Variants in ATP13A4 observed in about 807,000 individuals in gnomAD.
ATP13A4 encodes probable cation-transporting ATPase 13A4.
In ATP13A4, 114 loss-of-function variants were observed where a neutral mutation model predicts 142.5. The observed-to-expected ratio is 0.80, with a 90% CI of 0.69 to 0.93. ATP13A4 has a LOEUF of 0.93. Ranked by LOEUF, ATP13A4 falls within the 40% of genes least tolerant of loss-of-function variation. ATP13A4 has a pLI of 0.00. For synonymous variants in ATP13A4, 488 were observed against 514.8 expected, an observed-to-expected ratio of 0.95 and a Z score of 0.70; for missense variants, 1,392 against 1,454.0, an observed-to-expected ratio of 0.96 and a Z score of 0.69.
intron 27 of ATP13A4, among the ~76,000 whole-genome samples, 172 bp downstream of exon 27, chr3:193,412,006 G>T (rs1714788005): frequency 6.6e-6 from 1 of 152,182 alleles, no homozygotes; most frequent in Non-Finnish European, 1.5e-5. Context: ...TTGAAGGAAA[G>T]AGCAAAGAAC....
intron 3 of ATP13A4, among the ~76,000 whole-genome samples, chr3:193,501,075 C>T (rs1720515182): frequency 1.3e-5 from 2 of 152,192 alleles, no homozygotes; most frequent in African/African-American, 4.8e-5. Flanking sequence ...CTCTGCCCCT[C>T]CTACAATTCT....
rs1003253395 is a variant in ATP13A4, at chr3:193,411,020, G to A, written c.3259C>T (p.Leu1087=). 1.3e-5 allele frequency: 21 copies of A among 1,610,568 alleles called. No individual in the cohort carries two copies. Among genetic ancestry groups the A allele is most frequent in the Admixed American group, 3.3e-5 (2 of 59,968 alleles). ...IIQLGVCLFI[L]FADIPELYRR... ...TATAATTCTGGTATATCAGCAAATA[G>A]AATGAATAGACATACACCAAGCTGT... Residue 1087 remains leucine (L), a synonymous_variant, in exon 28 of 30, where the codon CTA becomes TTA. Coordinates refer to ENST00000342695, the MANE Select transcript of ATP13A4 (RefSeq NM_032279.4).
chr3:193,592,743 C>T (rs1251512734), intron 1 of ATP13A4, among the ~76,000 whole-genome samples: 2 of 152,200 alleles, frequency 1.3e-5, no homozygotes, highest in Admixed American at 1.3e-4. Context: ...CATGACTCTT[C>T]GTCCTGCTTC....
chr3:193,511,970 C>A (rs763298254), intron 2 of ATP13A4, among the ~76,000 whole-genome samples: 1 of 151,966 alleles, frequency 6.6e-6, no homozygotes, highest in Non-Finnish European at 1.5e-5. Context: ...TTTCCTCTTA[C>A]CTATTTTCCT....
At chr3:193,496,886 C>A (rs540334441) in intron 3 of ATP13A4, among the ~76,000 whole-genome samples, 2 of 152,024 alleles carry the variant, frequency 1.3e-5, no homozygotes, top group Non-Finnish European at 2.9e-5. Flanking sequence ...TTAAGCTAGA[C>A]CCCTGTATCT....
At chr3:193,582,544 ATAT>A (rs1724572029) in intron 1 of ATP13A4, among the ~76,000 whole-genome samples, 2 of 131,894 alleles carry the variant, frequency 1.5e-5, no homozygotes, top group South Asian at 2.2e-4. Flanking sequence ...ATTATTACAT[ATAT>A]TATATGTATT....
rs562777051 is a variant in ATP13A4, at chr3:193,477,361, T to C, written c.809-6368A>G. On this transcript the variant is annotated intron_variant, in intron 8 of 29. Coordinates refer to ENST00000342695, the MANE Select transcript of ATP13A4 (RefSeq NM_032279.4). ...AACAGATGAAAAAAGATTCATTAAG[T>C]TGATAATTATTTAATCTGTGTGATA... Among the ~76,000 whole-genome samples the C allele has an allele frequency of 2.9e-4, 44 of 152,190 alleles. 1 individual carries two copies. In the South Asian group the frequency reaches 5.4e-3, roughly 19 times the overall value.
intron 2 of ATP13A4, among the ~76,000 whole-genome samples, chr3:193,561,362 ACTGGGCCTCT>A (rs1724013151): frequency 6.6e-6 from 1 of 152,218 alleles, no homozygotes; most frequent in South Asian, 2.1e-4. Context: ...CTGGGGCTCC[ACTGGGCCTCT>A]CTGCTTGCCA....
chr3:193,463,787 CT>C (rs1718101828), intron 12 of ATP13A4, among the ~76,000 whole-genome samples: 1 of 152,156 alleles, frequency 6.6e-6, no homozygotes, highest in African/African-American at 2.4e-5. Context: ...TCTTACATTG[CT>C]AGTTTGATCA....
intron 28 of ATP13A4, 63 bp downstream of exon 28, chr3:193,410,919 C>T (rs2108602631): frequency 1.8e-6 from 2 of 1,089,672 alleles, no homozygotes. Context: ...TTGTGATCTG[C>T]TTTTTAAAGT....
rs535407176 is a variant in ATP13A4 at position 193,508,991 on chromosome 3, A to G, written c.234+5707T>C. Among the ~76,000 whole-genome samples, 29 of 51,740 alleles carry G rather than the reference A, an allele frequency of 5.6e-4. No individual in the cohort carries two copies. In the East Asian group the frequency reaches 0.021, roughly 38 times the overall value. The allele number at this position is 51,740 out of a possible 152,430, so 33.9% of individuals were successfully genotyped here. On this transcript the variant is annotated intron_variant, in intron 2 of 29. Coordinates refer to ENST00000342695, the MANE Select transcript of ATP13A4 (RefSeq NM_032279.4). ...AGCTTATAATCTAGACTGTCCAGGA[A>G]AAAAAAAAAAAGCTGAGAAGTTCCA... is the stretch of plus-strand genomic sequence containing the variant.
upstream of ATP13A4, among the ~76,000 whole-genome samples, chr3:193,555,914 G>A (rs376479628): frequency 2.0e-4 from 31 of 152,268 alleles, no homozygotes; most frequent in African/African-American, 7.5e-4. Flanking sequence ...ATCTGGTACC[G>A]CCCGACAGGA....
At chr3:193,531,297 A>AGGGAGGAAGGAAGGAAGGGAGGGAC (rs1351666676) in intron 1 of ATP13A4, among the ~76,000 whole-genome samples, 1 of 20,394 alleles carries the variant, frequency 4.9e-5, no homozygotes, top group Non-Finnish European at 8.4e-5. Flanking sequence ...GGAGGGAGGG[A>AGGGAGGAAGGAAGGAAGGGAGGGAC]GGAAGGAAGG....
upstream of ATP13A4, among the ~76,000 whole-genome samples, chr3:193,559,151 G>A (rs528141305): frequency 4.5e-4 from 69 of 152,298 alleles, 3 homozygotes; most frequent in South Asian, 0.012. Flanking sequence ...TCTTTCATCT[G>A]AGAACTCACA....
At position 193,462,781 on chromosome 3, in the gene ATP13A4, C is replaced by T. The variant is rs141133200; in HGVS notation, c.1504G>A (p.Val502Met). The T allele has an allele frequency of 1.4e-4, 232 of 1,613,764 alleles. 2 individuals carry two copies. In the South Asian group the frequency reaches 2.3e-3, roughly 16 times the overall value. The stretch of plus-strand genomic sequence containing the variant: ...ACTCACCCATTCCTATCACAGGACA[C>T]GACTCCCCAGAGGTCCAAGCCGTCC... The part of the protein sequence containing the change: ...TRDGLDLWGV[V>M]SCDRNGFQEV... The change falls in exon 13 of 30, where the codon GTG becomes ATG. Residue 502 changes from valine to methionine, a missense_variant. By Grantham distance (21) the Val-to-Met change is conservative. Transcript: ENST00000342695.
At chr3:193,522,953 G>C (rs1300043173) in intron 1 of ATP13A4, among the ~76,000 whole-genome samples, 1 of 152,122 alleles carries the variant, frequency 6.6e-6, no homozygotes, top group South Asian at 2.1e-4. Flanking sequence ...CTGGCACACA[G>C]CAACTAAAAC....
At chr3:193,403,703 C>T (rs774392165) in intron 29 of ATP13A4, 3 of 949,586 alleles carry the variant, frequency 3.2e-6, no homozygotes, top group Non-Finnish European at 3.8e-6. Flanking sequence ...GAATAGAGCC[C>T]AAGTTATAAC....
intron 25 of ATP13A4, among the ~76,000 whole-genome samples, chr3:193,425,154 C>T (rs2367479): frequency 0.013 from 1,844 of 138,612 alleles, 133 homozygotes; most frequent in African/African-American, 0.047. Context: ...TCAAAACCAC[C>T]GTGAGATATA....
At chr3:193,579,904 T>C (rs931589608) in intron 2 of ATP13A4, among the ~76,000 whole-genome samples, 76 of 152,214 alleles carry the variant, frequency 5.0e-4, no homozygotes, top group African/African-American at 1.8e-3. Flanking sequence ...TTAGCAAATA[T>C]CATAACATCA....
Sources: gnomAD v4.1 joint callset for allele counts (sites outside exome capture counted in the v4.1 genomes callset) on GRCh38, gnomAD v4.1.1 for gene constraint, MANE v1.5 for transcripts, NCBI Gene and HGNC (gene_info 2026-07-23, HGNC 2026-07-21) for gene names.